ATE1: variants seen among roughly 807,000 people sequenced by gnomAD.
ATE1 encodes arginyltransferase 1, also known as arginyl-tRNA--protein transferase 1.
ATE1 carries 36 observed loss-of-function variants against 70.5 expected under a neutral mutation model. That is an observed-to-expected ratio of 0.51 (90% CI 0.39 to 0.67). The LOEUF is 0.67. Ranked by LOEUF, ATE1 falls within the 30% of genes least tolerant of loss-of-function variation. ATE1 has a pLI of 0.00. For synonymous variants in ATE1, 232 were observed against 219.3 expected, an observed-to-expected ratio of 1.06 and a Z score of -0.51; for missense variants, 593 against 629.5, an observed-to-expected ratio of 0.94 and a Z score of 0.62.
intron 11 of ATE1, chr10:121,782,370 T>C (rs913051078): frequency 6.6e-6 from 1 of 152,228 alleles, no homozygotes; most frequent in Non-Finnish European, 1.5e-5. Flanking sequence ...ATGTGGAAAT[T>C]TTAAAGCTGA....
At chr10:121,878,842 C>G (rs1272752459) in intron 7 of ATE1, among the ~76,000 whole-genome samples, 2 of 152,074 alleles carry the variant, frequency 1.3e-5, no homozygotes, top group Non-Finnish European at 2.9e-5. Flanking sequence ...CATTATTTTA[C>G]AGACAGCAAA....
chr10:121,919,222 G>C (rs1951781128), intron 3 of ATE1, among the ~76,000 whole-genome samples: 1 of 152,152 alleles, frequency 6.6e-6, no homozygotes, highest in Non-Finnish European at 1.5e-5. Flanking sequence ...TTTAAGAGCT[G>C]TAACACTCAC....
chr10:121,816,281 G>C (rs1174114535), intron 10 of ATE1, among the ~76,000 whole-genome samples: 1 of 152,166 alleles, frequency 6.6e-6, no homozygotes, highest in Non-Finnish European at 1.5e-5. Flanking sequence ...TTTCAAGGGT[G>C]CTACATATAA....
At chr10:121,757,247 C>G (rs1944845606) in intron 11 of ATE1, among the ~76,000 whole-genome samples, 1 of 152,226 alleles carries the variant, frequency 6.6e-6, no homozygotes, top group Non-Finnish European at 1.5e-5. Flanking sequence ...TTGAGACCAC[C>G]TCAGCCTGGT....
chr10:121,819,500 C>G (rs375634573), intron 10 of ATE1, among the ~76,000 whole-genome samples: 2 of 151,516 alleles, frequency 1.3e-5, no homozygotes, highest in African/African-American at 4.9e-5. Context: ...GTCAGGAGAT[C>G]GAGACCATCC....
chr10:121,746,925 C>G (rs755351405), intron 11 of ATE1, among the ~76,000 whole-genome samples: 6 of 152,192 alleles, frequency 3.9e-5, no homozygotes, highest in Non-Finnish European at 7.3e-5. Context: ...ATTTCAGAGG[C>G]TTAGCTGATC....
chr10:121,882,648 A>C (rs1950263381), intron 7 of ATE1, among the ~76,000 whole-genome samples: 2 of 152,212 alleles, frequency 1.3e-5, no homozygotes, highest in African/African-American at 2.4e-5. Context: ...TCATGTCAAC[A>C]ATATCCTGAC....
chr10:121,867,737 C>T (rs948932564), intron 8 of ATE1, among the ~76,000 whole-genome samples: 2 of 152,146 alleles, frequency 1.3e-5, no homozygotes, highest in African/African-American at 4.8e-5. Flanking sequence ...CTGAGATCTG[C>T]ATGTATAATT....
At chr10:121,791,540 C>A (rs1362148647) in intron 10 of ATE1, among the ~76,000 whole-genome samples, 1 of 152,090 alleles carries the variant, frequency 6.6e-6, no homozygotes, top group Admixed American at 6.5e-5. Flanking sequence ...ATTTTCATAA[C>A]TATCAAGGTT....
intron 10 of ATE1, among the ~76,000 whole-genome samples, chr10:121,816,547 A>T (rs903465475): frequency 1.3e-5 from 2 of 152,160 alleles, no homozygotes; most frequent in African/African-American, 4.8e-5. Context: ...CCGTGAGGAC[A>T]CTATTTGTCC....
chr10:121,901,883 T>G (rs149636949), intron 6 of ATE1, among the ~76,000 whole-genome samples: 57 of 152,304 alleles, frequency 3.7e-4, no homozygotes, highest in African/African-American at 1.2e-3. Flanking sequence ...CCAAAGTGGT[T>G]TTGGCACTAA....
intron 11 of ATE1, among the ~76,000 whole-genome samples, chr10:121,783,596 A>C (rs1164573090): frequency 2.6e-5 from 4 of 152,156 alleles, no homozygotes; most frequent in African/African-American, 7.2e-5. Context: ...ATTTTCAATA[A>C]AACTCTGTAG....
intron 11 of ATE1, among the ~76,000 whole-genome samples, chr10:121,787,189 C>A (rs897692243): frequency 6.6e-6 from 1 of 152,194 alleles, no homozygotes; most frequent in African/African-American, 2.4e-5. Context: ...TAGTGATCAA[C>A]TGTGCCTTTG....
At position 121,774,113 on chromosome 10, in the gene ATE1, G is replaced by A. The variant is rs553126363; in HGVS notation, c.1378+16056C>T. On this transcript the variant is annotated intron_variant, in intron 11 of 11. Transcript: ENST00000224652. ...TTAAAAATGACAATATAACACAGTG[G>A]TTGATCAGCTTCGTTGCAAGAGAGC... Among the ~76,000 whole-genome samples, 5 of 152,234 alleles carry A rather than the reference G, an allele frequency of 3.3e-5. No homozygotes were observed. In the South Asian group the frequency reaches 8.3e-4, roughly 25 times the overall value.
chr10:121,869,855 T>C (rs1590573432), intron 8 of ATE1, 151 bp downstream of exon 8: 6 of 561,096 alleles, frequency 1.1e-5, no homozygotes, highest in African/African-American at 1.9e-5. Flanking sequence ...AAAAAAAGCC[T>C]GCAGTAACTC....
Position 121,774,279 on chromosome 10 carries a change from A to G in ATE1, c.1378+15890T>C, listed in dbSNP as rs144166005. The stretch of plus-strand genomic sequence containing the variant: ...ACGCATTATTTTAAATGATTATGCA[A>G]ATTTGGTAAGCGAGTTGAAATATAC... On this transcript the variant is annotated intron_variant, in intron 11 of 11. Coordinates refer to ENST00000224652, the MANE Select transcript of ATE1 (RefSeq NM_001001976.3). 2.8e-3 allele frequency among the ~76,000 whole-genome samples: 429 copies of G among 152,290 alleles called. 7 individuals carry two copies. The East Asian group carries it at 0.031, about 11-fold the overall frequency.
At chr10:121,888,642 T>C (rs1049214742) in intron 7 of ATE1, among the ~76,000 whole-genome samples, 3 of 152,030 alleles carry the variant, frequency 2.0e-5, no homozygotes, top group Non-Finnish European at 2.9e-5. Context: ...ACACATCAAA[T>C]AGAAATGTGT....
chr10:121,815,069 C>T (rs1337976207), intron 10 of ATE1, among the ~76,000 whole-genome samples: 3 of 152,190 alleles, frequency 2.0e-5, no homozygotes, highest in African/African-American at 4.8e-5. Flanking sequence ...CAATGATTTA[C>T]ATATACTAAA....
At chr10:121,754,578 A>G (rs1487435606) in intron 11 of ATE1, among the ~76,000 whole-genome samples, 1 of 152,226 alleles carries the variant, frequency 6.6e-6, no homozygotes, top group Non-Finnish European at 1.5e-5. Flanking sequence ...TAGAATGCCA[A>G]CTAATAAAAG....
Sources: allele counts gnomAD v4.1 joint callset (sites outside exome capture counted in the v4.1 genomes callset), GRCh38; gene constraint gnomAD v4.1.1; transcripts MANE v1.5; gene names NCBI Gene and HGNC (gene_info 2026-07-23, HGNC 2026-07-21).